The following AP4E1 variants were observed in gnomAD, a reference collection of about 807,000 sequenced individuals.
AP4E1 encodes the protein adaptor related protein complex 4 subunit epsilon 1, also known as AP-4 complex subunit epsilon-1.
A neutral mutation model predicts 128.2 loss-of-function variants in AP4E1; 56 were observed. The observed-to-expected ratio is 0.44, with a 90% CI of 0.35 to 0.55. The LOEUF (loss-of-function observed/expected upper bound fraction) is 0.55. Among genes scored for constraint, AP4E1 ranks in the 20% least tolerant of loss-of-function variants. The pLI is 0.00. For missense variants in AP4E1, 1,324 were observed against 1,307.7 expected, an observed-to-expected ratio of 1.01 and a Z score of -0.19; for synonymous variants, 484 against 473.1, an observed-to-expected ratio of 1.02 and a Z score of -0.30.
chr15:50,991,878 T>A (rs1204031783), intron 16 of AP4E1, among the ~76,000 whole-genome samples: 2 of 151,942 alleles, frequency 1.3e-5, no homozygotes, highest in Admixed American at 6.6e-5. Context: ...CAACTCATCT[T>A]GTAGTAGAAA....
intron 16 of AP4E1, among the ~76,000 whole-genome samples, chr15:50,988,055 A>G (rs999503023): frequency 2.0e-5 from 3 of 152,170 alleles, no homozygotes; most frequent in Non-Finnish European, 2.9e-5. Context: ...TGATAAATAT[A>G]TCTTGTAACC....
At chr15:50,987,865 T>G (rs2140920711) in intron 16 of AP4E1, among the ~76,000 whole-genome samples, 1 of 152,304 alleles carries the variant, frequency 6.6e-6, no homozygotes, top group East Asian at 1.9e-4. Context: ...GTATTTATAT[T>G]GTACAGTATG....
chr15:50,914,138 T>C (rs1436941108), intron 2 of AP4E1, among the ~76,000 whole-genome samples: 3 of 152,214 alleles, frequency 2.0e-5, no homozygotes, highest in Non-Finnish European at 4.4e-5. Context: ...GTAGTCTTAA[T>C]TAATGTGTTA....
intron 16 of AP4E1, among the ~76,000 whole-genome samples, chr15:50,987,466 T>C (rs533325157): frequency 2.0e-5 from 3 of 152,362 alleles, no homozygotes; most frequent in African/African-American, 7.2e-5. Context: ...CTCTACACAC[T>C]ACTTTAAATG....
At chr15:50,975,294 A>G (rs977681196) in intron 15 of AP4E1, among the ~76,000 whole-genome samples, 4 of 152,198 alleles carry the variant, frequency 2.6e-5, no homozygotes, top group Admixed American at 1.3e-4. Flanking sequence ...AATGCCAGCT[A>G]CTTGAGAGGC....
In AP4E1 at chr15:50,927,694, T is replaced by G. The variant is rs988352367; in HGVS notation, c.543-1315T>G. 4.6e-5 allele frequency among the ~76,000 whole-genome samples: 7 copies of G among 152,060 alleles called. No individual in the cohort carries two copies. The East Asian group carries it at 1.3e-3, about 29-fold the overall frequency. ...TTCTTTTTTTTTTTGTGAAGAGTTT[T>G]CCGTTATGGCATAGCTTGCCTAGGA... On this transcript the variant is annotated intron_variant, in intron 5 of 20. Transcript: ENST00000261842.
Position 50,917,678 on chromosome 15 carries a change from A to G in AP4E1, c.346+2107A>G, listed in dbSNP as rs188092030. Among the ~76,000 whole-genome samples, 4 of 152,374 alleles carry G rather than the reference A, an allele frequency of 2.6e-5. No homozygotes were observed. The East Asian group carries it at 5.8e-4, about 22-fold the overall frequency. On this transcript the variant is annotated intron_variant, in intron 3 of 20. Transcript: ENST00000261842. ...AATTGATAAGATGAGTGCCCACTGT[A>G]TGCCAGATACTGCAGTTAAACTTAC...
At position 51,002,687 on chromosome 15, in the gene AP4E1, C is replaced by T. The variant is rs2064979463; in HGVS notation, c.*25C>T. The T allele has an allele frequency of 2.5e-6, 4 of 1,613,254 alleles. No individual in the cohort carries two copies. The highest frequency in any genetic ancestry group is 1.7e-5 in the Admixed American group (1 of 59,958). Reference sequence around the variant, plus strand: ...GCAGAAGCCCTGCTAAATTTTACTCCATCAAGATCAATGGTTTACATAGAT... The same window carrying T: ...GCAGAAGCCCTGCTAAATTTTACTCTATCAAGATCAATGGTTTACATAGAT... On this transcript the variant is annotated 3_prime_UTR_variant, in exon 21 of 21. Transcript: ENST00000261842.
chr15:50,907,939 C>A (rs1202246953), upstream of AP4E1, among the ~76,000 whole-genome samples: 1 of 152,184 alleles, frequency 6.6e-6, no homozygotes, highest in Non-Finnish European at 1.5e-5. Context: ...GCGACCTGTT[C>A]TAAAGTGGAA....
At chr15:50,968,117 G>A (rs1429300883) in intron 14 of AP4E1, 146 bp from the exon 15 acceptor site, 5 of 605,824 alleles carry the variant, frequency 8.3e-6, no homozygotes, top group Admixed American at 2.8e-5. Flanking sequence ...ACCATGCCTG[G>A]CTGTGGTAGC....
chr15:50,956,148 A>G (rs1014841332), intron 13 of AP4E1, among the ~76,000 whole-genome samples: 1 of 152,130 alleles, frequency 6.6e-6, no homozygotes, highest in South Asian at 2.1e-4. Context: ...ATAGGGATAA[A>G]TACATCTTCT....
At chr15:50,941,218 A>G (rs1476629595) in intron 8 of AP4E1, among the ~76,000 whole-genome samples, 1 of 152,164 alleles carries the variant, frequency 6.6e-6, no homozygotes, top group Non-Finnish European at 1.5e-5. Context: ...TAAATGCATA[A>G]TTATTACCAG....
chr15:50,995,211 A>C (rs1320702070), intron 17 of AP4E1, among the ~76,000 whole-genome samples: 1 of 152,136 alleles, frequency 6.6e-6, no homozygotes, highest in African/African-American at 2.4e-5. Context: ...TTTTCTTCAG[A>C]AATCCTGTTC....
Position 50,958,525 on chromosome 15 carries a change from G to A in AP4E1, c.1582G>A (p.Glu528Lys), listed in dbSNP as rs1267824482. 6 of 1,613,230 alleles carry A rather than the reference G, an allele frequency of 3.7e-6. No homozygotes were observed. The highest frequency in any genetic ancestry group is 5.1e-6 in the Non-Finnish European group (6 of 1,179,720). ...LGEYSYLLDK[E>K]TPEEVIAKLY... is the part of the protein sequence containing the mutation. The stretch of plus-strand genomic sequence containing the variant: ...GGAATATTCCTACCTCTTAGATAAG[G>A]AAACGCCAGAGGAAGTTATAGCTAA... The change falls in exon 14 of 21, where the codon GAA becomes AAA. Residue 528 changes from glutamate (E) to lysine (K), a missense_variant. Coordinates refer to ENST00000261842, the MANE Select transcript of AP4E1 (RefSeq NM_007347.5).
chr15:50,935,978 G>T (rs2063903682), intron 8 of AP4E1, among the ~76,000 whole-genome samples: 1 of 152,178 alleles, frequency 6.6e-6, no homozygotes, highest in Admixed American at 6.5e-5. Context: ...AGCATTTATA[G>T]AGTGCCTGTG....
intron 15 of AP4E1, among the ~76,000 whole-genome samples, chr15:50,978,679 G>T (rs564403029): frequency 3.3e-5 from 5 of 152,302 alleles, no homozygotes; most frequent in African/African-American, 4.8e-5. Flanking sequence ...CTCTTCTGGT[G>T]AATTGCCCTC....
intron 13 of AP4E1, among the ~76,000 whole-genome samples, chr15:50,956,560 C>G (rs909917663): frequency 1.3e-5 from 2 of 152,130 alleles, no homozygotes; most frequent in African/African-American, 4.8e-5. Context: ...AACTTAAAAT[C>G]AAGGCAGAAG....
intron 10 of AP4E1, among the ~76,000 whole-genome samples, chr15:50,942,477 T>G (rs2064000809): frequency 1.3e-5 from 2 of 151,906 alleles, no homozygotes; most frequent in East Asian, 1.9e-4. Context: ...CTCTTTTATA[T>G]CTATAAAATT....
intron 5 of AP4E1, 86 bp from the exon 6 acceptor site, chr15:50,928,923 T>C: frequency 7.6e-7 from 1 of 1,310,492 alleles, no homozygotes; most frequent in Non-Finnish European, 1.1e-6. Flanking sequence ...TGAGCCAGTA[T>C]TTTGAAATCA....
Sources: gnomAD v4.1 joint callset for allele counts (sites outside exome capture counted in the v4.1 genomes callset) on GRCh38, gnomAD v4.1.1 for gene constraint, MANE v1.5 for transcripts, NCBI Gene and HGNC (gene_info 2026-07-23, HGNC 2026-07-21) for gene names.